The following MCPH1 variants were observed in gnomAD, a reference collection of about 807,000 sequenced individuals.
MCPH1 encodes microcephalin 1.
MCPH1 carries 104 observed loss-of-function variants against 84.5 expected under a neutral mutation model. The observed-to-expected ratio is 1.23, with a 90% CI of 1.05 to 1.45. The LOEUF is 1.45. Ranked by LOEUF, MCPH1 falls within the 40% of genes most tolerant of loss-of-function variation. The probability of loss-of-function intolerance (pLI) is 0.00; values close to 1 mark genes in which losing one functional copy is unlikely to be tolerated. For synonymous variants in MCPH1, 514 were observed against 366.8 expected (o/e 1.40, Z -4.58); for missense variants, 1,498 against 1,005.7 (o/e 1.49, Z -6.62).
At chr8:6,474,816 T>C (rs1207610923) in intron 9 of MCPH1, among the ~76,000 whole-genome samples, 2 of 152,132 alleles carry the variant, frequency 1.3e-5, no homozygotes, top group African/African-American at 4.8e-5. Context: ...CTTGGTGACA[T>C]AGCGAGAGAC....
At position 6,584,825 on chromosome 8, in the gene MCPH1, C is replaced by T. The variant is rs528039447; in HGVS notation, c.2215-36629C>T. Among the ~76,000 whole-genome samples, 15 of 152,298 alleles carry T rather than the reference C, an allele frequency of 9.8e-5. No homozygotes were observed. The South Asian group carries it at 3.1e-3, about 32-fold the overall frequency. ...TTGCAAACGTAGTTCTTTTGCCAAA[C>T]AGGTTTGGTCAAACTGTGTCCCCTA... On this transcript the variant is annotated intron_variant, in intron 12 of 13. Coordinates refer to ENST00000344683, the MANE Select transcript of MCPH1 (RefSeq NM_024596.5).
intron 12 of MCPH1, among the ~76,000 whole-genome samples, chr8:6,612,153 C>T (rs1306008107): frequency 1.3e-5 from 2 of 152,228 alleles, no homozygotes; most frequent in African/African-American, 2.4e-5. Context: ...CTGCATCGCT[C>T]GGGGAATTCC....
At chr8:6,617,400 T>G (rs1260682924) in intron 12 of MCPH1, among the ~76,000 whole-genome samples, 1 of 151,778 alleles carries the variant, frequency 6.6e-6, no homozygotes, top group Non-Finnish European at 1.5e-5. Flanking sequence ...CTGCCTCAGC[T>G]TCCCAAAAGT....
chr8:6,542,291 GGTGTGTGT>G (rs59101845), intron 12 of MCPH1, among the ~76,000 whole-genome samples: 3 of 149,944 alleles, frequency 2.0e-5, no homozygotes, highest in East Asian at 1.9e-4. Context: ...GTGAGGTAGG[GGTGTGTGT>G]GTGTGTGTGT....
chr8:6,594,744 C>T (rs1184805845), intron 12 of MCPH1, among the ~76,000 whole-genome samples: 2 of 147,344 alleles, frequency 1.4e-5, no homozygotes, highest in Non-Finnish European at 3.0e-5. Context: ...ATTGGCCTGT[C>T]ACTTGCCATC....
chr8:6,599,266 C>CAGGAATTATCGATATCCAA, intron 12 of MCPH1, among the ~76,000 whole-genome samples: 1 of 152,300 alleles, frequency 6.6e-6, no homozygotes, highest in South Asian at 2.1e-4. Context: ...AAGCTTGTGA[C>CAGGAATTATCGATATCCAA]AGGAATTATC....
intron 12 of MCPH1, among the ~76,000 whole-genome samples, chr8:6,560,977 A>G (rs988904174): frequency 5.3e-5 from 8 of 152,246 alleles, no homozygotes; most frequent in Non-Finnish European, 7.3e-5. Flanking sequence ...ACTGCAGTGC[A>G]TCTTTCATGC....
intron 12 of MCPH1, among the ~76,000 whole-genome samples, chr8:6,505,242 ATATATTCTT>A: frequency 8.7e-6 from 1 of 114,420 alleles, no homozygotes; most frequent in African/African-American, 3.9e-5. Context: ...TATATAGAAT[ATATATTCTT>A]TATATATGTT....
intron 7 of MCPH1, among the ~76,000 whole-genome samples, chr8:6,442,450 C>G (rs966062482): frequency 3.9e-5 from 6 of 152,022 alleles, no homozygotes; most frequent in African/African-American, 1.2e-4. Flanking sequence ...GCAGTTTAAA[C>G]TACATAGAAC....
chr8:6,492,046 C>T (rs373192614), intron 11 of MCPH1, among the ~76,000 whole-genome samples: 1 of 152,172 alleles, frequency 6.6e-6, no homozygotes, highest in Non-Finnish European at 1.5e-5. Context: ...CCTGAGGAAT[C>T]GCCACACTGA....
chr8:6,564,584 G>GTTTC (rs1554456444), intron 12 of MCPH1, among the ~76,000 whole-genome samples: 16 of 13,992 alleles, frequency 1.1e-3, no homozygotes, highest in Non-Finnish European at 1.7e-3. Flanking sequence ...CTTTGCTGCG[G>GTTTC]TTTATCTCTC....
intron 12 of MCPH1, among the ~76,000 whole-genome samples, chr8:6,601,577 T>TCGTA (rs1829367179): frequency 6.7e-6 from 1 of 150,062 alleles, no homozygotes; most frequent in Non-Finnish European, 1.5e-5. Flanking sequence ...CACATGCACA[T>TCGTA]CATACATGCC....
At chr8:6,476,441 A>G (rs1346190463) in intron 9 of MCPH1, among the ~76,000 whole-genome samples, 5 of 151,986 alleles carry the variant, frequency 3.3e-5, no homozygotes, top group Non-Finnish European at 5.9e-5. Context: ...AAAAAAAAAA[A>G]AAAAGAAGAA....
intron 12 of MCPH1, chr8:6,521,392 C>T (rs768462070): frequency 1.9e-6 from 3 of 1,610,744 alleles, no homozygotes; most frequent in Non-Finnish European, 2.5e-6. Context: ...CCATAGCTAG[C>T]ACCTTCTTTT....
chr8:6,452,902 A>G (rs1175121332), intron 8 of MCPH1, among the ~76,000 whole-genome samples: 2 of 152,242 alleles, frequency 1.3e-5, no homozygotes, highest in African/African-American at 2.4e-5. Context: ...TAAAGAGTGC[A>G]TGTTCGTTGG....
Position 6,431,571 on chromosome 8 carries a change from C to T in MCPH1, c.306C>T (p.Ser102=). The change falls in exon 4 of 14, where the codon AGC becomes AGT. Residue 102 remains serine, a synonymous_variant. Transcript: ENST00000344683. The part of the protein sequence containing the change: ...PAANMNEHLS[S]LIKKKRKCMQ... ...CTAATATGAATGAACACTTATCAAG[C>T]CTAATTAAAAAAAAAGTAAGTACAT... 5 of 1,607,574 alleles carry T rather than the reference C, an allele frequency of 3.1e-6. No homozygotes were observed. Among genetic ancestry groups the T allele is most frequent in the Non-Finnish European group, 4.3e-6 (5 of 1,176,338 alleles).
chr8:6,447,106 C>A, intron 8 of MCPH1: 8 of 985,418 alleles, frequency 8.1e-6, no homozygotes, highest in Non-Finnish European at 9.6e-6. Context: ...TACAGACAGA[C>A]GGGAAGTCAC....
intron 12 of MCPH1, among the ~76,000 whole-genome samples, chr8:6,515,607 G>A (rs1816114809): frequency 6.6e-6 from 1 of 152,060 alleles, no homozygotes. Context: ...GTTTTATTAT[G>A]AAATTAAAAA....
At chr8:6,564,894 G>T (rs1826022309) in intron 12 of MCPH1, among the ~76,000 whole-genome samples, 1 of 152,210 alleles carries the variant, frequency 6.6e-6, no homozygotes, top group Non-Finnish European at 1.5e-5. Context: ...TTGAGAAGGT[G>T]TTTATAGGCT....
Sources: gnomAD v4.1 joint callset for allele counts (sites outside exome capture counted in the v4.1 genomes callset) on GRCh38, gnomAD v4.1.1 for gene constraint, MANE v1.5 for transcripts, NCBI Gene and HGNC (gene_info 2026-07-23, HGNC 2026-07-21) for gene names.